The following EML1 variants were observed in gnomAD, a reference collection of about 807,000 sequenced individuals.
The protein encoded by EML1 is echinoderm microtubule-associated protein-like 1.
In EML1, 27 loss-of-function variants were observed where a neutral mutation model predicts 110.4. That is an observed-to-expected ratio of 0.24 (90% CI 0.18 to 0.34). The LOEUF (loss-of-function observed/expected upper bound fraction) is 0.34, where lower values mean the gene tolerates loss of function less well. EML1 is among the 10% of genes least tolerant of loss of function. The probability of loss-of-function intolerance (pLI) is 1.00; values close to 1 mark genes in which losing one functional copy is unlikely to be tolerated. For missense variants in EML1, 741 were observed against 1,030.9 expected, an observed-to-expected ratio of 0.72 and a Z score of 3.85; for synonymous variants, 344 against 385.8, an observed-to-expected ratio of 0.89 and a Z score of 1.27.
At chr14:99,764,851 G>A (rs1276965036) in intron 1 of EML1, among the ~76,000 whole-genome samples, 3 of 152,178 alleles carry the variant, frequency 2.0e-5, no homozygotes, top group Admixed American at 1.3e-4. Flanking sequence ...TGTCCTGCCC[G>A]TTCCTCAGTC....
At chr14:99,881,440 ATACT>A (rs1230064472) in intron 4 of EML1, among the ~76,000 whole-genome samples, 2 of 152,212 alleles carry the variant, frequency 1.3e-5, no homozygotes, top group South Asian at 2.1e-4. Context: ...CTCAATAATA[ATACT>A]TACAGCAGAT....
intron 1 of EML1, among the ~76,000 whole-genome samples, chr14:99,749,342 C>T (rs980063332): frequency 2.0e-5 from 3 of 152,174 alleles, no homozygotes; most frequent in Admixed American, 1.3e-4. Flanking sequence ...TCTCGCCCCC[C>T]CAGCCATCCT....
At chr14:99,741,594 C>T in intron 1 of EML1, among the ~76,000 whole-genome samples, 1 of 150,562 alleles carries the variant, frequency 6.6e-6, no homozygotes, top group East Asian at 2.0e-4. Context: ...CCTGGCATCC[C>T]AGAACCCAGA....
chr14:99,845,237 T>C (rs2058689458), intron 1 of EML1, among the ~76,000 whole-genome samples: 1 of 152,202 alleles, frequency 6.6e-6, no homozygotes, highest in Non-Finnish European at 1.5e-5. Context: ...TCATTGTAGT[T>C]TTAATTTGCA....
chr14:99,921,229 A>G (rs1287915793), intron 17 of EML1, among the ~76,000 whole-genome samples: 4 of 152,050 alleles, frequency 2.6e-5, no homozygotes, highest in Non-Finnish European at 5.9e-5. Flanking sequence ...AGCTCCATCC[A>G]TATCCCCACA....
intron 4 of EML1, among the ~76,000 whole-genome samples, chr14:99,884,900 C>T (rs1264460201): frequency 1.1e-4 from 16 of 152,132 alleles, no homozygotes; most frequent in Admixed American, 7.9e-4. Flanking sequence ...GCTCATCCTT[C>T]GAGACCCAAC....
chr14:99,831,380 G>T (rs1295377746), intron 1 of EML1, among the ~76,000 whole-genome samples: 1 of 152,188 alleles, frequency 6.6e-6, no homozygotes, highest in African/African-American at 2.4e-5. Context: ...CCCGGGACAG[G>T]TACCCTGGAA....
At chr14:99,802,097 G>A (rs1353936120) in intron 1 of EML1, among the ~76,000 whole-genome samples, 3 of 152,184 alleles carry the variant, frequency 2.0e-5, no homozygotes, top group Admixed American at 1.3e-4. Flanking sequence ...CCGTGAGAGC[G>A]TCTTTCTAGT....
rs114525477 is a variant in EML1 at position 99,742,077 on chromosome 14, A to G, written c.28+4217A>G. ...AAGTATTAGCCATCCACAGGCCAGC[A>G]CACGGCTCTGGACACATGTCCCGAG... On this transcript the variant is annotated intron_variant, in intron 1 of 10. Coordinates refer to the EML1 transcript ENST00000554479. Among the ~76,000 whole-genome samples, 1,130 of 152,260 alleles carry G rather than the reference A, an allele frequency of 7.4e-3. 21 individuals are homozygous for G. The highest frequency in any genetic ancestry group is 0.026 in the African/African-American group (1,087 of 41,542).
chr14:99,931,030 C>T (rs1042188662), intron 17 of EML1, among the ~76,000 whole-genome samples: 6 of 152,174 alleles, frequency 3.9e-5, no homozygotes, highest in African/African-American at 7.2e-5. Flanking sequence ...AGTATTAGAT[C>T]CCCCATCTGC....
chr14:99,887,019 G>A (rs1005013548), intron 4 of EML1, among the ~76,000 whole-genome samples: 2 of 152,224 alleles, frequency 1.3e-5, no homozygotes, highest in Admixed American at 1.3e-4. Context: ...GACCGCACTG[G>A]TGTCTGTTGG....
At chr14:99,741,576 C>T (rs1207374146) in intron 1 of EML1, among the ~76,000 whole-genome samples, 2 of 152,118 alleles carry the variant, frequency 1.3e-5, no homozygotes, top group Non-Finnish European at 2.9e-5. Context: ...ACTGCTCACT[C>T]AATTCTCCCT....
intron 15 of EML1, among the ~76,000 whole-genome samples, chr14:99,916,585 A>G (rs2060037879): frequency 6.6e-6 from 1 of 152,172 alleles, no homozygotes; most frequent in South Asian, 2.1e-4. Flanking sequence ...TTTTTATTGA[A>G]AGGACAAGAC....
chr14:99,766,960 G>A (rs111601903), intron 1 of EML1, among the ~76,000 whole-genome samples: 2,722 of 152,260 alleles, frequency 0.018, 87 homozygotes, highest in African/African-American at 0.062. Flanking sequence ...AAAATGCAGC[G>A]TGTCCACTGG....
At chr14:99,738,748 A>G (rs1427851074) in intron 1 of EML1, among the ~76,000 whole-genome samples, 3 of 152,194 alleles carry the variant, frequency 2.0e-5, no homozygotes, top group Non-Finnish European at 4.4e-5. Context: ...CCTGGGGTGC[A>G]CTGAGTGCTC....
At chr14:99,767,447 C>CA in intron 1 of EML1, among the ~76,000 whole-genome samples, 1 of 152,286 alleles carries the variant, frequency 6.6e-6, no homozygotes, top group Non-Finnish European at 1.5e-5. Context: ...ACTAAAAATA[C>CA]AAAAATTAGC....
intron 6 of EML1, among the ~76,000 whole-genome samples, chr14:99,896,403 C>T (rs780801280): frequency 6.6e-6 from 1 of 151,990 alleles, no homozygotes; most frequent in Non-Finnish European, 1.5e-5. Context: ...TTTACCTGCA[C>T]CTGTTTTGGA....
chr14:99,819,848 G>A (rs1374963874), intron 1 of EML1, among the ~76,000 whole-genome samples: 2 of 152,216 alleles, frequency 1.3e-5, no homozygotes, highest in East Asian at 1.9e-4. Flanking sequence ...GAGGGCTCAC[G>A]ATTACTTTCT....
At chr14:99,815,777 GTTTC>G (rs2058157028) in intron 1 of EML1, among the ~76,000 whole-genome samples, 1 of 152,144 alleles carries the variant, frequency 6.6e-6, no homozygotes, top group African/African-American at 2.4e-5. Flanking sequence ...TGTTTGTGAT[GTTTC>G]TTTATGACTT....
Sources: gnomAD v4.1 joint callset for allele counts (sites outside exome capture counted in the v4.1 genomes callset) on GRCh38, gnomAD v4.1.1 for gene constraint, MANE v1.5 for transcripts, NCBI Gene and HGNC (gene_info 2026-07-23, HGNC 2026-07-21) for gene names.